MUC7: variants seen among roughly 807,000 people sequenced by gnomAD.
The protein encoded by MUC7 is mucin 7, secreted.
In MUC7, 2 loss-of-function variants were observed where a neutral mutation model predicts 2.5. The ratio of observed to expected loss-of-function variants is 0.81; its 90% confidence interval spans 0.33 to 2.55. The LOEUF is 2.55. MUC7 is among the 30% of genes most tolerant of loss of function. The pLI is 0.11. For synonymous variants in MUC7, 133 were observed against 173.4 expected (o/e 0.77, Z 1.83); for missense variants, 408 against 455.6 (o/e 0.90, Z 0.95).
intron 1 of MUC7, among the ~76,000 whole-genome samples, chr4:70,458,117 A>G (rs1331345068): frequency 6.6e-6 from 1 of 152,122 alleles, no homozygotes; most frequent in African/African-American, 2.4e-5. Context: ...CCAACAATAT[A>G]TTAAAATTCA....
At chr4:70,435,987 C>T (rs892404319) in intron 1 of MUC7, among the ~76,000 whole-genome samples, 1 of 152,168 alleles carries the variant, frequency 6.6e-6, no homozygotes, top group African/African-American at 2.4e-5. Flanking sequence ...ATATGAAATT[C>T]CAGGTTGAAA....
chr4:70,450,690 C>T (rs565537019), intron 1 of MUC7, among the ~76,000 whole-genome samples: 1 of 152,210 alleles, frequency 6.6e-6, no homozygotes, highest in South Asian at 2.1e-4. Context: ...TGGGTTCTTT[C>T]CTTCAAGGCA....
intron 1 of MUC7, 94 bp from the exon 2 acceptor site, chr4:70,473,913 C>A: frequency 1.1e-6 from 1 of 906,018 alleles, no homozygotes; most frequent in African/African-American, 1.7e-5. Flanking sequence ...CTCTTTTTGC[C>A]TGTACTTTCT....
intron 1 of MUC7, among the ~76,000 whole-genome samples, chr4:70,457,571 T>G (rs1385642057): frequency 6.6e-6 from 1 of 152,048 alleles, no homozygotes; most frequent in Non-Finnish European, 1.5e-5. Context: ...AACTCAAAAA[T>G]TGTTTCCTTG....
rs566415647 is a variant in MUC7, at chr4:70,463,429, G to T, written c.-92-8786G>T. On this transcript the variant is annotated intron_variant, in intron 1 of 3. Coordinates refer to the MUC7 transcript ENST00000413702. ...ATCGATTAACCATGCTCTAGTTGTGGCTATAGCAAATGAGAAGTTTCTATT... is the reference window on the plus strand; with the variant it reads ...ATCGATTAACCATGCTCTAGTTGTGTCTATAGCAAATGAGAAGTTTCTATT... 2.0e-3 allele frequency among the ~76,000 whole-genome samples: 301 copies of T among 152,240 alleles called. 2 individuals carry two copies. The highest frequency in any genetic ancestry group is 3.2e-3 in the Non-Finnish European group (221 of 68,012).
At chr4:70,457,418 G>T (rs1734441929) in intron 1 of MUC7, among the ~76,000 whole-genome samples, 1 of 151,916 alleles carries the variant, frequency 6.6e-6, no homozygotes, top group Non-Finnish European at 1.5e-5. Flanking sequence ...CTCTAGCCTG[G>T]GTGACAGAGC....
intron 2 of MUC7, among the ~76,000 whole-genome samples, 165 bp downstream of exon 2, chr4:70,474,240 G>T (rs936515782): frequency 2.0e-5 from 3 of 152,030 alleles, no homozygotes; most frequent in African/African-American, 7.2e-5. Flanking sequence ...CGGTGCACTG[G>T]CTCACACCTC....
chr4:70,470,606 T>A (rs879744328), upstream of MUC7, among the ~76,000 whole-genome samples: 1 of 152,156 alleles, frequency 6.6e-6, no homozygotes, highest in Non-Finnish European at 1.5e-5. Flanking sequence ...ATTTTTGAGG[T>A]CATTACAACT....
intron 2 of MUC7, among the ~76,000 whole-genome samples, chr4:70,476,537 ACCT>A (rs570553070): frequency 2.0e-4 from 31 of 152,370 alleles, no homozygotes; most frequent in African/African-American, 7.0e-4. Flanking sequence ...GCACAGAAAT[ACCT>A]TGACCTGATC....
intron 2 of MUC7, among the ~76,000 whole-genome samples, chr4:70,478,284 A>T (rs150049332): frequency 6.6e-6 from 1 of 152,316 alleles, no homozygotes; most frequent in African/African-American, 2.4e-5. Flanking sequence ...AGTTATTGTT[A>T]TCATTTCCAT....
chr4:70,439,381 TC>T (rs1733945192), intron 1 of MUC7, among the ~76,000 whole-genome samples: 1 of 152,108 alleles, frequency 6.6e-6, no homozygotes, highest in South Asian at 2.1e-4. Context: ...GTCAATGGGA[TC>T]CCACTGGGAA....
At chr4:70,470,728 T>C (rs1290928807), upstream of MUC7, among the ~76,000 whole-genome samples, 1 of 152,214 alleles carries the variant, frequency 6.6e-6, no homozygotes, top group Admixed American at 6.5e-5. Context: ...CAATTTTAAC[T>C]ATAACAAGTA....
At chr4:70,450,272 G>A (rs1004979213) in intron 1 of MUC7, among the ~76,000 whole-genome samples, 1 of 152,134 alleles carries the variant, frequency 6.6e-6, no homozygotes, top group African/African-American at 2.4e-5. Context: ...TACCACCAAT[G>A]TTTCCAAGGT....
chr4:70,464,377 C>G (rs549573734), intron 1 of MUC7, among the ~76,000 whole-genome samples: 50 of 152,224 alleles, frequency 3.3e-4, no homozygotes, highest in Non-Finnish European at 6.8e-4. Flanking sequence ...CCAGTGGCAC[C>G]TGGAACACCA....
intron 2 of MUC7, among the ~76,000 whole-genome samples, chr4:70,480,477 C>T (rs1418192408): frequency 6.6e-6 from 1 of 152,166 alleles, no homozygotes; most frequent in Non-Finnish European, 1.5e-5. Flanking sequence ...CAGGCAGTAA[C>T]TTGACCATTT....
chr4:70,481,243 G>T lies in MUC7; in HGVS notation c.499G>T (p.Ala167Ser). ...VNSPAPQDTT[A>S]APPTPSATTP... Reference sequence around the variant, plus strand: ...TTCCCCAGCTCCACAAGACACCACAGCTGCCCCACCCACACCTTCTGCAAC... The same window carrying T: ...TTCCCCAGCTCCACAAGACACCACATCTGCCCCACCCACACCTTCTGCAAC... Residue 167 changes from alanine (A) to serine (S), a missense_variant, in exon 3 of 3, where the codon GCT (alanine) becomes TCT (serine). Physicochemically the swap from Ala to Ser is moderately conservative, Grantham distance 99. Coordinates refer to ENST00000304887, the MANE Select transcript of MUC7 (RefSeq NM_152291.3). 1 of 1,613,850 alleles carries T rather than the reference G, an allele frequency of 6.2e-7. No individual in the cohort carries two copies. Among genetic ancestry groups the T allele is most frequent in the African/African-American group, 1.3e-5 (1 of 75,008 alleles).
upstream of MUC7, among the ~76,000 whole-genome samples, chr4:70,467,478 T>C (rs1734710933): frequency 6.6e-6 from 1 of 152,158 alleles, no homozygotes; most frequent in Non-Finnish European, 1.5e-5. Flanking sequence ...GGAGTTGGTT[T>C]TTTGAAAAGA....
intron 1 of MUC7, among the ~76,000 whole-genome samples, chr4:70,459,781 G>A (rs1280402711): frequency 6.6e-6 from 1 of 152,090 alleles, no homozygotes; most frequent in East Asian, 1.9e-4. Context: ...TTTCATCTTT[G>A]TTCATCTCTA....
chr4:70,460,791 A>T (rs1734536816), intron 1 of MUC7, among the ~76,000 whole-genome samples: 1 of 151,976 alleles, frequency 6.6e-6, no homozygotes, highest in Non-Finnish European at 1.5e-5. Flanking sequence ...GGTTTCTGGG[A>T]TGTTGTCATA....
Sources: gnomAD v4.1 joint callset for allele counts (sites outside exome capture counted in the v4.1 genomes callset) on GRCh38, gnomAD v4.1.1 for gene constraint, MANE v1.5 for transcripts, NCBI Gene and HGNC (gene_info 2026-07-23, HGNC 2026-07-21) for gene names.